Variants in DRC3 observed in about 807,000 individuals in gnomAD.
The protein encoded by DRC3 is leucine rich repeat containing 48.
Under a neutral mutation model 57.6 loss-of-function variants are expected in DRC3, and 45 were observed. That is an observed-to-expected ratio of 0.78 (90% CI 0.62 to 1.00). The LOEUF (loss-of-function observed/expected upper bound fraction) is 1.00, where lower values mean the gene tolerates loss of function less well. Among genes scored for constraint, DRC3 ranks in the 50% least tolerant of loss-of-function variants. The pLI is 0.00. For synonymous variants in DRC3, 257 were observed against 272.3 expected, an observed-to-expected ratio of 0.94 and a Z score of 0.55; for missense variants, 655 against 675.2, an observed-to-expected ratio of 0.97 and a Z score of 0.33.
intron 3 of DRC3, among the ~76,000 whole-genome samples, chr17:17,978,757 A>G (rs1319209144): frequency 6.6e-6 from 1 of 152,184 alleles, no homozygotes; most frequent in Non-Finnish European, 1.5e-5. Flanking sequence ...GGCACAGAAC[A>G]GGTGCGGCAG....
Position 17,980,342 on chromosome 17 carries a change from T to C in DRC3, c.160+2584T>C, listed in dbSNP as rs540303827. ...TGCCGCCCAGCCCAGGCTGGAGTGCTAGAGTGCAGTAGTGCGATCTCAGCT... is the reference window on the plus strand; with the variant it reads ...TGCCGCCCAGCCCAGGCTGGAGTGCCAGAGTGCAGTAGTGCGATCTCAGCT... On this transcript the variant is annotated intron_variant, in intron 3 of 13. Coordinates refer to ENST00000399187, the MANE Select transcript of DRC3 (RefSeq NM_031294.4). 4.4e-4 allele frequency among the ~76,000 whole-genome samples: 67 copies of C among 151,544 alleles called. No individual in the cohort carries two copies. In the South Asian group the frequency reaches 8.6e-3, roughly 20 times the overall value.
chr17:17,990,767 G>A (rs535700473), intron 5 of DRC3, among the ~76,000 whole-genome samples: 42 of 152,304 alleles, frequency 2.8e-4, no homozygotes, highest in African/African-American at 9.4e-4. Flanking sequence ...CAAGGTGGGC[G>A]ACTCACTTGA....
intron 8 of DRC3, chr17:17,995,811 C>T (rs1039261653): frequency 2.0e-5 from 3 of 152,332 alleles, no homozygotes; most frequent in African/African-American, 7.2e-5. Flanking sequence ...ACTCAAAAAC[C>T]TGACATTCTG....
At chr17:18,009,331 C>G (rs529050031) in intron 12 of DRC3, among the ~76,000 whole-genome samples, 15 of 152,082 alleles carry the variant, frequency 9.9e-5, no homozygotes, top group Non-Finnish European at 2.2e-4. Flanking sequence ...ATTACTTGAG[C>G]CTGGGAAGTC....
intron 4 of DRC3, among the ~76,000 whole-genome samples, chr17:17,985,936 G>C (rs2145266091): frequency 6.6e-6 from 1 of 152,204 alleles, no homozygotes; most frequent in South Asian, 2.1e-4. Flanking sequence ...TTTTGAGATG[G>C]AGTCTCATTC....
chr17:17,983,009 T>TA (rs1188532616), intron 3 of DRC3, among the ~76,000 whole-genome samples: 1 of 152,260 alleles, frequency 6.6e-6, no homozygotes, highest in Non-Finnish European at 1.5e-5. Flanking sequence ...TCTAGAGTGT[T>TA]ACATATACAG....
intron 5 of DRC3, among the ~76,000 whole-genome samples, chr17:17,990,418 C>G (rs2043173448): frequency 6.6e-6 from 1 of 152,268 alleles, no homozygotes; most frequent in Non-Finnish European, 1.5e-5. Flanking sequence ...TCCCAGCCCT[C>G]TCCCCGCATT....
At chr17:18,002,514 G>A (rs1272945839) in intron 9 of DRC3, among the ~76,000 whole-genome samples, 1 of 152,196 alleles carries the variant, frequency 6.6e-6, no homozygotes, top group African/African-American at 2.4e-5. Flanking sequence ...AAAGGGCTCA[G>A]CATCTATTTA....
Position 18,016,137 on chromosome 17 carries a change from A to AAAAG in DRC3, c.1400_1401insAAAG (p.Asn467LysfsTer6), listed in dbSNP as rs2044354359. 6.2e-7 allele frequency: 1 copy of AAAAG among 1,613,890 alleles called. No individual in the cohort carries two copies. Among genetic ancestry groups the AAAAG allele is most frequent in the Admixed American group, 1.7e-5 (1 of 60,014 alleles). ...GACATCCACCTCCTGAAGATTGACA[A>AAAAG]TCGAGAAGATGAGCTGGTGACCAGA... On this transcript the variant is annotated frameshift_variant, in exon 13 of 14. Transcript: ENST00000399187. LOFTEE classifies it high-confidence loss of function.
chr17:17,987,214 CAAAAA>C (rs1046062123), intron 4 of DRC3, among the ~76,000 whole-genome samples: 1 of 45,190 alleles, frequency 2.2e-5, no homozygotes, highest in Admixed American at 2.8e-4. Context: ...GACCCTGTCT[CAAAAA>C]AAAAAAAAAA....
intron 9 of DRC3, among the ~76,000 whole-genome samples, chr17:17,999,038 G>C (rs966764883): frequency 6.6e-6 from 1 of 152,194 alleles, no homozygotes; most frequent in Non-Finnish European, 1.5e-5. Flanking sequence ...CTTCCTTCCT[G>C]ATATTTATCT....
chr17:17,997,411 C>A (rs1205363401), intron 8 of DRC3, 49 bp from the exon 9 acceptor site: 1 of 1,596,962 alleles, frequency 6.3e-7, no homozygotes, highest in Non-Finnish European at 8.5e-7. Flanking sequence ...GCCGTGCCCT[C>A]CGCAGCCTGC....
At chr17:18,014,727 G>T (rs987383496) in intron 12 of DRC3, among the ~76,000 whole-genome samples, 3 of 152,176 alleles carry the variant, frequency 2.0e-5, no homozygotes, top group African/African-American at 7.2e-5. Context: ...ACCTTTTCGT[G>T]ATGGGTTGAC....
At chr17:17,999,624 G>C (rs912922595) in intron 9 of DRC3, among the ~76,000 whole-genome samples, 25 of 152,244 alleles carry the variant, frequency 1.6e-4, no homozygotes, top group African/African-American at 6.0e-4. Context: ...CTGCAGCCAT[G>C]TAAGGCTTGG....
rs71155309 is a variant in DRC3 at position 18,003,484 on chromosome 17, TAAAAAAAAAAAAAA to T, written c.1000-860_1000-847del. 4.3e-3 allele frequency among the ~76,000 whole-genome samples: 131 copies of T among 30,128 alleles called. 3 individuals are homozygous for T. Among genetic ancestry groups the T allele is most frequent in the East Asian group, 0.041 (41 of 990 alleles). The allele number at this position is 30,128 out of a possible 152,430, so 19.8% of individuals were successfully genotyped here. On this transcript the variant is annotated intron_variant, in intron 9 of 13. Coordinates refer to ENST00000399187, the MANE Select transcript of DRC3 (RefSeq NM_031294.4). ...GGGTGACAGAGTGAGACTACGTCTT[TAAAAAAAAAAAAAA>T]AAAAAAAAAAAAAAAAAAGAATGGT... is the stretch of plus-strand genomic sequence containing the variant.
chr17:18,003,652 T>C (rs2043833924), intron 9 of DRC3, among the ~76,000 whole-genome samples: 1 of 130,116 alleles, frequency 7.7e-6, no homozygotes, highest in Non-Finnish European at 1.7e-5. Flanking sequence ...TTTTTTTTTT[T>C]TTTTTTTTGA....
intron 4 of DRC3, 50 bp downstream of exon 4, chr17:17,983,994 A>C: frequency 8.2e-7 from 1 of 1,222,552 alleles, no homozygotes; most frequent in Non-Finnish European, 1.2e-6. Context: ...TGACACCCTG[A>C]CAAGGTTATT....
intron 10 of DRC3, 98 bp from the exon 11 acceptor site, chr17:18,006,085 G>A (rs748637902): frequency 8.6e-5 from 70 of 816,002 alleles, no homozygotes; most frequent in Non-Finnish European, 1.4e-4. Context: ...CTGAAGGTCT[G>A]TGATTAGAGG....
intron 3 of DRC3, chr17:17,981,316 T>A (rs753519795): frequency 4.0e-6 from 1 of 253,140 alleles, no homozygotes; most frequent in Non-Finnish European, 8.8e-6. Flanking sequence ...CAGCACCCTA[T>A]CCCTGCAGAC....
Sources: gnomAD v4.1 joint callset for allele counts (sites outside exome capture counted in the v4.1 genomes callset) on GRCh38, gnomAD v4.1.1 for gene constraint, MANE v1.5 for transcripts, NCBI Gene and HGNC (gene_info 2026-07-23, HGNC 2026-07-21) for gene names.